The following SPINK2 variants were observed in gnomAD, a reference collection of about 807,000 sequenced individuals.
SPINK2 encodes the protein serine protease inhibitor Kazal-type 2.
SPINK2 carries 8 observed loss-of-function variants against 13.5 expected under a neutral mutation model. The ratio of observed to expected loss-of-function variants is 0.59; its 90% confidence interval spans 0.35 to 1.07. The LOEUF (loss-of-function observed/expected upper bound fraction) is 1.07. Among genes scored for constraint, SPINK2 ranks in the 50% least tolerant of loss-of-function variants. The pLI is 0.02. For missense variants in SPINK2, 148 were observed against 180.3 expected (o/e 0.82, Z 1.03); for synonymous variants, 76 against 74.7 (o/e 1.02, Z -0.09).
chr4:56,812,563 CAAAA>C (rs57162077), intron 2 of SPINK2, among the ~76,000 whole-genome samples: 5 of 16,366 alleles, frequency 3.1e-4, no homozygotes, highest in Admixed American at 8.7e-4. Context: ...AACTCCATCT[CAAAA>C]AAAAAAAAAA....
chr4:56,819,548 G>A (rs1211871242), intron 2 of SPINK2, among the ~76,000 whole-genome samples: 1 of 152,020 alleles, frequency 6.6e-6, no homozygotes, highest in Admixed American at 6.6e-5. Flanking sequence ...TATCTCTAGT[G>A]ACAGTCCAGG....
chr4:56,821,854 G>A (rs951219020), upstream of SPINK2: 4 of 586,048 alleles, frequency 6.8e-6, no homozygotes, highest in South Asian at 2.3e-5. Flanking sequence ...GTGAAGGGTC[G>A]GGGGAGAACC....
intron 2 of SPINK2, among the ~76,000 whole-genome samples, chr4:56,814,537 T>C (rs1218507610): frequency 1.3e-5 from 2 of 151,726 alleles, no homozygotes; most frequent in Admixed American, 6.6e-5. Flanking sequence ...AAATTTAATA[T>C]AGAAGGCTGG....
In SPINK2 at chr4:56,810,092, T is replaced by C. The variant is rs1716854226; in HGVS notation, c.*47A>G. The C allele has an allele frequency of 1.3e-6, 2 of 1,571,688 alleles. No homozygotes were observed. The highest frequency in any genetic ancestry group is 3.8e-5 in the Admixed American group (2 of 52,394). ...AAGGGGAAATGCAATTTATCTAGTC[T>C]GCCAGTGAAGGTGGTCTCTCCATCT... is the stretch of plus-strand genomic sequence containing the variant. On this transcript the variant is annotated 3_prime_UTR_variant, in exon 4 of 4. Coordinates refer to ENST00000506738, the MANE Select transcript of SPINK2 (RefSeq NM_001271718.2).
intron 2 of SPINK2, chr4:56,816,605 T>G (rs755636964): frequency 6.7e-6 from 1 of 149,734 alleles, no homozygotes; most frequent in Non-Finnish European, 1.5e-5. Context: ...TGAGCCGAGA[T>G]CACACCATTA....
intron 2 of SPINK2, among the ~76,000 whole-genome samples, chr4:56,816,025 C>A (rs1297321074): frequency 6.6e-6 from 1 of 151,858 alleles, no homozygotes; most frequent in Non-Finnish European, 1.5e-5. Flanking sequence ...ATCACTGGAG[C>A]CCAGGAGTTC....
chr4:56,821,750 C>CGGGGAAAGGGGA, upstream of SPINK2: 1 of 1,190,190 alleles, frequency 8.4e-7, no homozygotes. Flanking sequence ...GCGGGGAGGG[C>CGGGGAAAGGGGA]GGGGGAAGGG....
chr4:56,817,808 C>T (rs1256184800), intron 2 of SPINK2, among the ~76,000 whole-genome samples: 3 of 150,946 alleles, frequency 2.0e-5, no homozygotes, highest in Non-Finnish European at 2.9e-5. Context: ...GAGCCAAAAT[C>T]GTGCCACTGC....
chr4:56,820,429 T>C, intron 2 of SPINK2, 107 bp downstream of exon 2: 1 of 830,904 alleles, frequency 1.2e-6, no homozygotes, highest in South Asian at 1.5e-5. Context: ...AACGCAGTCC[T>C]CAATGGTTTC....
chr4:56,810,429 A>AT lies in SPINK2; in HGVS notation c.360-246dup, dbSNP rs1716883687. ...CAAAGAATCACTCAGAGAGCTGGGCATGGTGGCTCATGCCTGTAATCCTAG... is the reference window on the plus strand; with the variant it reads ...CAAAGAATCACTCAGAGAGCTGGGCATTGGTGGCTCATGCCTGTAATCCTAG... On this transcript the variant is annotated intron_variant, in intron 3 of 3. Coordinates refer to ENST00000506738, the MANE Select transcript of SPINK2 (RefSeq NM_001271718.2). 3 of 459,304 alleles carry AT rather than the reference A, an allele frequency of 6.5e-6. No individual in the cohort carries two copies. In the Admixed American group the frequency reaches 1.3e-4, roughly 20 times the overall value. The allele number at this position is 459,304 out of a possible 1,614,324, so 28.5% of individuals were successfully genotyped here. A position where few individuals can be genotyped will look rare whatever the true frequency, so the allele number is the denominator to read the frequency against.
chr4:56,821,495 G>A lies in SPINK2; in HGVS notation c.168C>T (p.Arg56=), dbSNP rs1367161820. Residue 56 remains arginine (R), a synonymous_variant, in exon 1 of 4, where the codon CGC becomes CGT. Coordinates refer to ENST00000506738, the MANE Select transcript of SPINK2 (RefSeq NM_001271718.2). ...PAPGGLGDGT[R]APVTGGSPED... ...CTGGGGAACCGCCAGTAACGGGCGC[G>A]CGGGTACCGTCGCCGAGGCCGCCCG... 1 of 1,537,410 alleles carries A rather than the reference G, an allele frequency of 6.5e-7. No individual in the cohort carries two copies. Among genetic ancestry groups the A allele is most frequent in the South Asian group, 1.2e-5 (1 of 83,226 alleles).
chr4:56,810,915 A>G (rs1716924658), intron 3 of SPINK2, among the ~76,000 whole-genome samples: 1 of 152,170 alleles, frequency 6.6e-6, no homozygotes, highest in Non-Finnish European at 1.5e-5. Context: ...AGTGACAGTC[A>G]CCTGGTCAGG....
chr4:56,812,398 A>C (rs915631052), intron 2 of SPINK2, among the ~76,000 whole-genome samples: 19 of 151,282 alleles, frequency 1.3e-4, no homozygotes, highest in African/African-American at 4.6e-4. Flanking sequence ...CTACTAAAAA[A>C]TAAAAAATTA....
In SPINK2 at chr4:56,816,909, A is replaced by G. The variant is rs185351506; in HGVS notation, c.249+3627T>C. Among the ~76,000 whole-genome samples, 369 of 151,646 alleles carry G rather than the reference A, an allele frequency of 2.4e-3. 1 individual carries two copies. Among genetic ancestry groups the G allele is most frequent in the African/African-American group, 8.7e-3 (360 of 41,414 alleles). ...AAAAAATAAAATAAAATAAAAAAAT[A>G]AAACATCTAGAAAGACCAGGTGCGG... On this transcript the variant is annotated intron_variant, in intron 2 of 3. Coordinates refer to ENST00000506738, the MANE Select transcript of SPINK2 (RefSeq NM_001271718.2).
At chr4:56,815,798 A>AC (rs71194127) in intron 2 of SPINK2, among the ~76,000 whole-genome samples, 8 of 149,458 alleles carry the variant, frequency 5.4e-5, no homozygotes, top group South Asian at 2.1e-4. Flanking sequence ...ACACACACAC[A>AC]AAACTATTAT....
rs1717517499 is a variant in SPINK2 at position 56,817,097 on chromosome 4, G to A, written c.249+3439C>T. ...CACACTTGTAATCCCAGCTACTCAG[G>A]AGGCTTAGGCAGGAGAATTGCTTGA... On this transcript the variant is annotated intron_variant, in intron 2 of 3. Coordinates refer to ENST00000506738, the MANE Select transcript of SPINK2 (RefSeq NM_001271718.2). Among the ~76,000 whole-genome samples the A allele has an allele frequency of 2.6e-5, 4 of 151,958 alleles. No individual in the cohort carries two copies. In the South Asian group the frequency reaches 8.3e-4, roughly 32 times the overall value.
chr4:56,820,413 G>T, intron 2 of SPINK2, 123 bp downstream of exon 2: 1 of 698,762 alleles, frequency 1.4e-6, no homozygotes, highest in Admixed American at 2.5e-5. Context: ...TGACAACCTG[G>T]TTTTAAACGC....
At position 56,809,871 on chromosome 4, in the gene SPINK2, G is replaced by A; in HGVS notation, c.*268C>T. On this transcript the variant is annotated 3_prime_UTR_variant, in exon 4 of 4. Transcript: ENST00000506738. ...GAGAACAGTAGGAACTGAATTCAAT[G>A]CTGATTTTATTTCAACTAAATAAAG... The A allele has an allele frequency of 1.3e-6, 1 of 774,492 alleles. No homozygotes were observed. The allele number at this position is 774,492 out of a possible 1,614,324, so 48.0% of individuals were successfully genotyped here. A position where few individuals can be genotyped will look rare whatever the true frequency, so the allele number is the denominator to read the frequency against.
chr4:56,811,819 C>T (rs755988908), intron 2 of SPINK2, 25 bp from the exon 3 acceptor site: 35 of 1,482,590 alleles, frequency 2.4e-5, no homozygotes, highest in Non-Finnish European at 2.8e-5. Context: ...GAGAGAAATT[C>T]GAGAATGACT....
Sources: allele counts gnomAD v4.1 joint callset (sites outside exome capture counted in the v4.1 genomes callset), GRCh38; gene constraint gnomAD v4.1.1; transcripts MANE v1.5; gene names NCBI Gene and HGNC (gene_info 2026-07-23, HGNC 2026-07-21).